The following ASCC1 variants were observed in gnomAD, a reference collection of about 807,000 sequenced individuals.
ASCC1 encodes ASC-1 complex subunit P50.
ASCC1 carries 35 observed loss-of-function variants against 46.6 expected under a neutral mutation model. The ratio of observed to expected loss-of-function variants is 0.75; its 90% CI spans 0.57 to 0.99. The LOEUF is 0.99. ASCC1 is among the 50% of genes least tolerant of loss of function. The pLI is 0.00. For synonymous variants in ASCC1, 143 were observed against 146.6 expected (o/e 0.98, Z 0.18); for missense variants, 376 against 428.7 (o/e 0.88, Z 1.09).
intron 8 of ASCC1, among the ~76,000 whole-genome samples, chr10:72,132,116 G>A (rs1845682575): frequency 1.3e-5 from 2 of 152,018 alleles, no homozygotes; most frequent in Non-Finnish European, 2.9e-5. Context: ...TGATCCACCC[G>A]CCTCAGCCTT....
chr10:72,184,648 CCA>C (rs1429345388), intron 5 of ASCC1, among the ~76,000 whole-genome samples: 2 of 151,988 alleles, frequency 1.3e-5, no homozygotes, highest in East Asian at 3.9e-4. Flanking sequence ...ATAGATGAAT[CCA>C]CAGTTACAGG....
At chr10:72,124,352 T>C (rs1844588656) in intron 9 of ASCC1, among the ~76,000 whole-genome samples, 2 of 152,252 alleles carry the variant, frequency 1.3e-5, no homozygotes, top group African/African-American at 4.8e-5. Flanking sequence ...CCTCTGACTT[T>C]AGACCTATAG....
At chr10:72,107,208 G>T (rs1298440110) in intron 9 of ASCC1, among the ~76,000 whole-genome samples, 4 of 151,528 alleles carry the variant, frequency 2.6e-5, no homozygotes, top group Non-Finnish European at 5.9e-5. Flanking sequence ...AAAAATCAAG[G>T]TTCTTCGTAT....
chr10:72,191,371 T>A (rs1854476568), intron 5 of ASCC1, among the ~76,000 whole-genome samples: 1 of 151,558 alleles, frequency 6.6e-6, no homozygotes, highest in Admixed American at 6.6e-5. Flanking sequence ...GGCTGTTGTA[T>A]CTTGTTTCTA....
chr10:72,114,175 G>C (rs1843230553), intron 9 of ASCC1, among the ~76,000 whole-genome samples: 1 of 152,196 alleles, frequency 6.6e-6, no homozygotes, highest in African/African-American at 2.4e-5. Flanking sequence ...GTAAATGTAA[G>C]CTCATTATTA....
At chr10:72,211,432 T>C (rs1858091649) in intron 2 of ASCC1, among the ~76,000 whole-genome samples, 1 of 151,660 alleles carries the variant, frequency 6.6e-6, no homozygotes, top group African/African-American at 2.4e-5. Flanking sequence ...CCCTCATCTC[T>C]ACAAAGATTA....
intron 5 of ASCC1, among the ~76,000 whole-genome samples, chr10:72,176,019 CA>C (rs1381143011): frequency 1.3e-5 from 2 of 152,236 alleles, no homozygotes; most frequent in Non-Finnish European, 2.9e-5. Context: ...ACAACAATAA[CA>C]TTCATTCGGC....
intron 9 of ASCC1, among the ~76,000 whole-genome samples, chr10:72,115,324 A>C (rs1408736334): frequency 6.6e-6 from 1 of 151,934 alleles, no homozygotes; most frequent in Non-Finnish European, 1.5e-5. Context: ...AGGTCTCTGA[A>C]CAATCAAAGT....
At chr10:72,203,584 A>G in intron 3 of ASCC1, 60 bp from the exon 4 acceptor site, 7 of 1,207,496 alleles carry the variant, frequency 5.8e-6, no homozygotes, top group African/African-American at 1.5e-5. Flanking sequence ...AAAGAACCTC[A>G]TTATGTTTAA....
chr10:72,135,409 A>T (rs75769543), intron 7 of ASCC1, among the ~76,000 whole-genome samples: 2,258 of 152,272 alleles, frequency 0.015, 58 homozygotes, highest in African/African-American at 0.051. Flanking sequence ...TAATAAAGTG[A>T]CATTTGACAG....
intron 5 of ASCC1, among the ~76,000 whole-genome samples, chr10:72,194,549 A>G (rs1855072976): frequency 6.6e-6 from 1 of 151,884 alleles, no homozygotes; most frequent in African/African-American, 2.4e-5. Context: ...CTAGTGAAAA[A>G]ACAGTATATG....
intron 7 of ASCC1, among the ~76,000 whole-genome samples, chr10:72,150,329 A>C (rs1223317600): frequency 6.6e-6 from 1 of 152,228 alleles, no homozygotes; most frequent in Non-Finnish European, 1.5e-5. Flanking sequence ...ATTCAAATTA[A>C]GATAACAGAA....
At chr10:72,122,780 C>A (rs1844365555) in intron 9 of ASCC1, among the ~76,000 whole-genome samples, 1 of 151,232 alleles carries the variant, frequency 6.6e-6, no homozygotes, top group Admixed American at 6.6e-5. Flanking sequence ...GGCCCTATAC[C>A]TAAAGAAATT....
intron 9 of ASCC1, among the ~76,000 whole-genome samples, chr10:72,125,986 CTAAT>C (rs915617871): frequency 1.3e-5 from 2 of 152,140 alleles, no homozygotes; most frequent in Admixed American, 1.3e-4. Flanking sequence ...ATACAAAAAT[CTAAT>C]TATTAACTAG....
intron 6 of ASCC1, among the ~76,000 whole-genome samples, chr10:72,155,205 T>C (rs1195218181): frequency 6.6e-6 from 1 of 152,214 alleles, no homozygotes; most frequent in African/African-American, 2.4e-5. Flanking sequence ...ATTTCAGTGG[T>C]AGAGAAACTG....
At chr10:72,216,972 A>G (rs114141014), upstream of ASCC1, 596 of 455,968 alleles carry the variant, frequency 1.3e-3, 4 homozygotes, top group African/African-American at 0.011. Context: ...TAATGATCCA[A>G]TACTCATGAC....
chr10:72,179,993 C>A lies in ASCC1; in HGVS notation c.489+16818G>T, dbSNP rs546813738. On this transcript the variant is annotated intron_variant, in intron 5 of 9. Transcript: ENST00000672957. Reference sequence around the variant, plus strand: ...AGAAAAGAAAAATACTTTAAAAGAACCGGCCGGGTACGGTGGCTCACACCT... The same window carrying A: ...AGAAAAGAAAAATACTTTAAAAGAAACGGCCGGGTACGGTGGCTCACACCT... 3.3e-5 allele frequency among the ~76,000 whole-genome samples: 5 copies of A among 152,092 alleles called. No individual in the cohort carries two copies. In the South Asian group the frequency reaches 1.0e-3, roughly 32 times the overall value.
intron 5 of ASCC1, among the ~76,000 whole-genome samples, chr10:72,191,022 G>A (rs1564728292): frequency 7.0e-6 from 1 of 143,008 alleles, no homozygotes; most frequent in Non-Finnish European, 1.5e-5. Flanking sequence ...GGAAGTTAAA[G>A]TGCAATAATG....
chr10:72,196,703 T>G, intron 5 of ASCC1, 108 bp downstream of exon 5: 1 of 1,127,924 alleles, frequency 8.9e-7, no homozygotes, highest in South Asian at 1.5e-5. Flanking sequence ...TTATCTTTTT[T>G]GGTGGGGGAA....
Sources: gnomAD v4.1 joint callset for allele counts (sites outside exome capture counted in the v4.1 genomes callset) on GRCh38, gnomAD v4.1.1 for gene constraint, MANE v1.5 for transcripts, NCBI Gene and HGNC (gene_info 2026-07-23, HGNC 2026-07-21) for gene names.